Variants in MBP observed in about 807,000 individuals in gnomAD.
MBP encodes the protein myelin basic protein, also known as Golli-MBP.
In MBP, 16 loss-of-function variants were observed where a neutral mutation model predicts 35.8. That is an observed-to-expected ratio of 0.45 (90% CI 0.30 to 0.68). MBP has a LOEUF of 0.68. Among genes scored for constraint, MBP ranks in the 30% least tolerant of loss-of-function variants. The pLI is 0.08. For missense variants in MBP, 380 were observed against 404.7 expected (o/e 0.94, Z 0.52); for synonymous variants, 143 against 159.6 (o/e 0.90, Z 0.78).
In MBP at chr18:77,131,994, G is replaced by GGGGGCA. The variant is rs1392791266; in HGVS notation, c.-26+580_-26+585dup. ...TCAGAGGGAGACTGCGCTTCGCCCCGGGGGCAGGGGCAGGAGCGCGATCGC... is the reference window on the plus strand; with the variant it reads ...TCAGAGGGAGACTGCGCTTCGCCCCGGGGGCAGGGGCAGGGGCAGGAGCGCGATCGC... On this transcript the variant is annotated intron_variant, in intron 1 of 8. Transcript: ENST00000355994. This position sits in a 1 kb window ranked among gnomAD's most constrained non-coding sequence, Gnocchi z 5.5. Among the ~76,000 whole-genome samples the GGGGGCA allele has an allele frequency of 4.6e-5, 7 of 152,166 alleles. No homozygotes were observed. Among genetic ancestry groups the GGGGGCA allele is most frequent in the Non-Finnish European group, 1.0e-4 (7 of 68,024 alleles).
chr18:77,097,530 C>G (rs1033952383), intron 2 of MBP: 1 of 152,262 alleles, frequency 6.6e-6, no homozygotes, highest in African/African-American at 2.4e-5. Context: ...CAGCTACCCT[C>G]GGGAGACAGA....
intron 1 of MBP, among the ~76,000 whole-genome samples, chr18:77,123,163 G>A (rs1245012067): frequency 6.6e-6 from 1 of 152,206 alleles, no homozygotes; most frequent in Non-Finnish European, 1.5e-5. Context: ...TATGTGAGGA[G>A]CCTACAACAT....
intron 2 of MBP, among the ~76,000 whole-genome samples, chr18:77,086,897 G>A (rs1348808685): frequency 6.6e-6 from 1 of 152,202 alleles, no homozygotes; most frequent in Admixed American, 6.5e-5. Flanking sequence ...CTCCTCTAAT[G>A]TTCTCCAGAC....
rs754055569 is a variant in MBP, at chr18:77,044,618, T to A, written c.139+21680A>T. On this transcript the variant is annotated intron_variant, in intron 3 of 8. Coordinates refer to ENST00000355994, the MANE Select transcript of MBP (RefSeq NM_001025101.2). This position sits in a 1 kb window ranked among gnomAD's most constrained non-coding sequence, Gnocchi z 4.4. Reference sequence around the variant, plus strand: ...CACCTGGGACGCAGGTGCCCTCCGGTCACACCCTTCCATCCCGTGTGGTGC... The same window carrying A: ...CACCTGGGACGCAGGTGCCCTCCGGACACACCCTTCCATCCCGTGTGGTGC... Among the ~76,000 whole-genome samples the A allele has an allele frequency of 1.3e-5, 2 of 152,048 alleles. No individual in the cohort carries two copies. Among genetic ancestry groups the A allele is most frequent in the African/African-American group, 4.8e-5 (2 of 41,396 alleles).
At chr18:77,026,256 C>A (rs1326340512) in intron 3 of MBP, among the ~76,000 whole-genome samples, 1 of 152,252 alleles carries the variant, frequency 6.6e-6, no homozygotes, top group Non-Finnish European at 1.5e-5. Flanking sequence ...GGAGGCAGAG[C>A]GCGGGCGTTC....
At position 76,988,331 on chromosome 18, in the gene MBP, C is replaced by A; in HGVS notation, c.750+164G>T. ...GAAGGGAAGACCACGTTTCATTTCCCCAGTGGAAGACAAGGCGGCCCGATC... is the reference window on the plus strand; with the variant it reads ...GAAGGGAAGACCACGTTTCATTTCCACAGTGGAAGACAAGGCGGCCCGATC... On this transcript the variant is annotated intron_variant, in intron 7 of 8. Coordinates refer to ENST00000355994, the MANE Select transcript of MBP (RefSeq NM_001025101.2). This position sits in a 1 kb window ranked among gnomAD's most constrained non-coding sequence, Gnocchi z 5.2. 5.7e-6 allele frequency: 9 copies of A among 1,591,626 alleles called. No individual in the cohort carries two copies. Among genetic ancestry groups the A allele is most frequent in the Non-Finnish European group, 7.7e-6 (9 of 1,168,816 alleles).
At chr18:77,015,243 C>G in intron 4 of MBP, 1 of 983,910 alleles carries the variant, frequency 1.0e-6, no homozygotes, top group Non-Finnish European at 1.2e-6. Flanking sequence ...GTGATTTCAT[C>G]TTTTCTGCAC....
In MBP at chr18:77,011,083, C is replaced by T. The variant is rs78616445; in HGVS notation, c.576+5749G>A. ...TTCTAGAAGTATTATGGAAAGTGAA[C>T]ACACCGGGGTTTTCAGAGGCAAATC... On this transcript the variant is annotated intron_variant, in intron 4 of 8. Transcript: ENST00000355994. 2.9e-3 allele frequency among the ~76,000 whole-genome samples: 449 copies of T among 152,304 alleles called. 5 individuals carry two copies. Among genetic ancestry groups the T allele is most frequent in the African/African-American group, 0.01 (430 of 41,556 alleles).
chr18:77,000,576 A>C (rs191787722), intron 4 of MBP, among the ~76,000 whole-genome samples: 1 of 152,220 alleles, frequency 6.6e-6, no homozygotes, highest in Non-Finnish European at 1.5e-5. Flanking sequence ...GTTTGATTGC[A>C]TGATTTTTGA....
intron 7 of MBP, chr18:76,986,665 G>T (rs2123099733): frequency 1.0e-6 from 1 of 985,510 alleles, no homozygotes; most frequent in East Asian, 1.1e-4. Flanking sequence ...CGTCCTAGAG[G>T]TTTCCAGGTT....
chr18:77,001,280 G>A (rs1241418196), intron 4 of MBP, among the ~76,000 whole-genome samples: 1 of 152,258 alleles, frequency 6.6e-6, no homozygotes, highest in Non-Finnish European at 1.5e-5. Context: ...GCCATCCCAG[G>A]CTGGGGTGTG....
At chr18:77,033,559 C>T (rs376220418) in intron 3 of MBP, among the ~76,000 whole-genome samples, 2 of 152,188 alleles carry the variant, frequency 1.3e-5, no homozygotes, top group African/African-American at 4.8e-5. Context: ...CCATCCACCT[C>T]CCATCCATCA....
At chr18:77,130,198 A>G (rs1977194435) in intron 1 of MBP, among the ~76,000 whole-genome samples, 1 of 152,148 alleles carries the variant, frequency 6.6e-6, no homozygotes, top group Admixed American at 6.5e-5. Flanking sequence ...CCTGTGTGGG[A>G]CATCTCTGGG....
In MBP at chr18:77,131,808, C is replaced by T. The variant is rs1242382112; in HGVS notation, c.-26+772G>A. On this transcript the variant is annotated intron_variant, in intron 1 of 8. Coordinates refer to ENST00000355994, the MANE Select transcript of MBP (RefSeq NM_001025101.2). The surrounding 1 kb of genome is among the most constrained non-coding windows in gnomAD (Gnocchi z 5.5). ...CCCGGCCCAGGACAGGCAGTGGGGC[C>T]CAGGAGGGGACTGCCGGGAAGACCC... The T allele has an allele frequency of 1.3e-5, 2 of 152,396 alleles. No homozygotes were observed. Among genetic ancestry groups the T allele is most frequent in the African/African-American group, 2.4e-5 (1 of 41,398 alleles). The allele number at this position is 152,396 out of a possible 1,614,324, so 9.4% of individuals were successfully genotyped here. A position where few individuals can be genotyped will look rare whatever the true frequency, so the allele number is the denominator to read the frequency against.
chr18:76,989,848 C>A lies in MBP; in HGVS notation c.681+108G>T. 2 of 943,916 alleles carry A rather than the reference C, an allele frequency of 2.1e-6. No homozygotes were observed. Among genetic ancestry groups the A allele is most frequent in the Non-Finnish European group, 3.3e-6 (2 of 599,188 alleles). The allele number at this position is 943,916 out of a possible 1,614,324, so 58.5% of individuals were successfully genotyped here. A position where few individuals can be genotyped will look rare whatever the true frequency, so the allele number is the denominator to read the frequency against. The stretch of plus-strand genomic sequence containing the variant: ...CCGGCCGGCCTCACCCTGATGATGA[C>A]CCCGGTGCCACCCCCGAGCGTACGA... On this transcript the variant is annotated intron_variant, in intron 5 of 8. Transcript: ENST00000355994. This position sits in a 1 kb window ranked among gnomAD's most constrained non-coding sequence, Gnocchi z 4.0.
At chr18:77,036,441 G>A (rs996929248) in intron 3 of MBP, among the ~76,000 whole-genome samples, 1 of 124,418 alleles carries the variant, frequency 8.0e-6, no homozygotes, top group Non-Finnish European at 1.7e-5. Flanking sequence ...ACATTTTGGA[G>A]GACTGAGCTG....
At chr18:77,087,836 G>A (rs1047222712) in intron 2 of MBP, among the ~76,000 whole-genome samples, 5 of 152,210 alleles carry the variant, frequency 3.3e-5, no homozygotes, top group African/African-American at 1.2e-4. Context: ...CCACGCACGT[G>A]GGCTGGGATC....
intron 3 of MBP, among the ~76,000 whole-genome samples, chr18:77,022,237 A>T (rs1368896390): frequency 6.6e-6 from 1 of 152,114 alleles, no homozygotes; most frequent in Non-Finnish European, 1.5e-5. Context: ...TAAAGCCAGC[A>T]GTTGGAACCC....
chr18:76,994,450 C>T lies in MBP; in HGVS notation c.577-4390G>A, dbSNP rs141235251. 2.9e-3 allele frequency among the ~76,000 whole-genome samples: 437 copies of T among 152,308 alleles called. 2 individuals are homozygous for T. The highest frequency in any genetic ancestry group is 9.4e-3 in the African/African-American group (391 of 41,554). On this transcript the variant is annotated intron_variant, in intron 4 of 8. Coordinates refer to ENST00000355994, the MANE Select transcript of MBP (RefSeq NM_001025101.2). ...TTCTAAAGAAATGAATGCTCAGTCA[C>T]GCTATGCAGATCTCAGAGGATTTTA...
Sources: allele counts gnomAD v4.1 joint callset (sites outside exome capture counted in the v4.1 genomes callset), GRCh38; gene constraint gnomAD v4.1.1; non-coding constraint Gnocchi (gnomAD v3.1); transcripts MANE v1.5; gene names NCBI Gene and HGNC (gene_info 2026-07-23, HGNC 2026-07-21).